The following EXT1 variants were observed in gnomAD, a reference collection of about 807,000 sequenced individuals.
The protein encoded by EXT1 is exostosin-1.
A neutral mutation model predicts 82.5 loss-of-function variants in EXT1; 20 were observed. The ratio of observed to expected loss-of-function variants is 0.24; its 90% confidence interval spans 0.17 to 0.35. EXT1 has a LOEUF of 0.35. Ranked by LOEUF, EXT1 falls within the 10% of genes least tolerant of loss-of-function variation. EXT1 has a pLI of 1.00. For missense variants in EXT1, 757 were observed against 936.5 expected, an observed-to-expected ratio of 0.81 and a Z score of 2.50; for synonymous variants, 348 against 350.8, an observed-to-expected ratio of 0.99 and a Z score of 0.09.
chr8:118,075,227 C>T (rs1234357696), intron 1 of EXT1, among the ~76,000 whole-genome samples: 1 of 152,208 alleles, frequency 6.6e-6, no homozygotes, highest in African/African-American at 2.4e-5. Flanking sequence ...CCAGGCTGTG[C>T]ACAGTGTTGG....
chr8:118,070,553 T>C (rs1377724878), intron 1 of EXT1, among the ~76,000 whole-genome samples: 4 of 152,204 alleles, frequency 2.6e-5, no homozygotes, highest in African/African-American at 9.7e-5. Flanking sequence ...AAATCGGAAC[T>C]GATCTATAAA....
At chr8:117,931,612 T>C (rs11562825) in intron 1 of EXT1, among the ~76,000 whole-genome samples, 3,481 of 152,196 alleles carry the variant, frequency 0.023, 134 homozygotes, top group African/African-American at 0.077. Flanking sequence ...TATCAGTCTT[T>C]CAGAGATCAA....
intron 1 of EXT1, among the ~76,000 whole-genome samples, chr8:117,980,737 G>C: frequency 8.4e-6 from 1 of 119,342 alleles, no homozygotes; most frequent in East Asian, 2.9e-4. Flanking sequence ...TTTTTCCAGT[G>C]TGAGTTCTTC....
At chr8:118,082,572 C>T (rs1817351580) in intron 1 of EXT1, among the ~76,000 whole-genome samples, 1 of 151,956 alleles carries the variant, frequency 6.6e-6, no homozygotes, top group Non-Finnish European at 1.5e-5. Context: ...TTGAGTAATC[C>T]AAAACAAGGA....
chr8:117,816,047 C>A (rs1255118168), intron 7 of EXT1, among the ~76,000 whole-genome samples: 4 of 151,496 alleles, frequency 2.6e-5, no homozygotes, highest in Non-Finnish European at 5.9e-5. Flanking sequence ...AAGAAATGTA[C>A]ACAAATAATT....
At chr8:118,078,813 GA>G (rs1351066622) in intron 1 of EXT1, among the ~76,000 whole-genome samples, 4 of 150,806 alleles carry the variant, frequency 2.7e-5, no homozygotes, top group African/African-American at 7.3e-5. Flanking sequence ...CATATGCAAA[GA>G]AAAAAAAAGT....
intron 1 of EXT1, among the ~76,000 whole-genome samples, chr8:117,908,708 G>A (rs929417671): frequency 3.3e-5 from 5 of 152,074 alleles, no homozygotes; most frequent in African/African-American, 7.2e-5. Flanking sequence ...GGAACTAGCT[G>A]GGTAAAGAAT....
In EXT1 at chr8:117,836,724, G is replaced by A. The variant is rs565212128; in HGVS notation, c.1056+384C>T. On this transcript the variant is annotated intron_variant, in intron 2 of 10. Coordinates refer to ENST00000378204, the MANE Select transcript of EXT1 (RefSeq NM_000127.3). ...TGGGGATCATTCTCAAAATTGAAAGGAACTGAGAGACAATGAAGATGCAGG... is the reference window on the plus strand; with the variant it reads ...TGGGGATCATTCTCAAAATTGAAAGAAACTGAGAGACAATGAAGATGCAGG... Among the ~76,000 whole-genome samples, 8 of 152,232 alleles carry A rather than the reference G, an allele frequency of 5.3e-5. No homozygotes were observed. The East Asian group carries it at 7.7e-4, about 15-fold the overall frequency.
At chr8:117,853,588 G>T (rs1812491511) in intron 1 of EXT1, among the ~76,000 whole-genome samples, 1 of 152,164 alleles carries the variant, frequency 6.6e-6, no homozygotes, top group African/African-American at 2.4e-5. Flanking sequence ...AGATAGTAAA[G>T]CTGCATCAGA....
intron 1 of EXT1, among the ~76,000 whole-genome samples, chr8:117,980,541 C>T (rs1158820745): frequency 1.3e-5 from 2 of 152,170 alleles, no homozygotes; most frequent in East Asian, 1.9e-4. Context: ...TGTTTTTCAA[C>T]GTTGGGCTCT....
intron 1 of EXT1, among the ~76,000 whole-genome samples, chr8:118,048,872 T>G (rs1474968776): frequency 6.6e-6 from 1 of 152,190 alleles, no homozygotes; most frequent in Admixed American, 6.5e-5. Flanking sequence ...ATCCAAGGAA[T>G]GAATATTATC....
At chr8:118,073,360 C>A (rs1014834819) in intron 1 of EXT1, among the ~76,000 whole-genome samples, 1 of 152,198 alleles carries the variant, frequency 6.6e-6, no homozygotes, top group African/African-American at 2.4e-5. Flanking sequence ...GTGGCTCACC[C>A]CTGTAATCCC....
At chr8:118,011,710 C>T (rs903071818) in intron 1 of EXT1, among the ~76,000 whole-genome samples, 2 of 152,230 alleles carry the variant, frequency 1.3e-5, no homozygotes, top group East Asian at 1.9e-4. Context: ...CCACCCTGAT[C>T]GCTCTCTGGC....
chr8:118,053,022 C>T (rs776672163), intron 1 of EXT1, among the ~76,000 whole-genome samples: 4 of 152,236 alleles, frequency 2.6e-5, no homozygotes, highest in Non-Finnish European at 4.4e-5. Flanking sequence ...ATTCATCACT[C>T]TGCCAGTCTC....
At chr8:118,096,676 G>GAA in intron 1 of EXT1, among the ~76,000 whole-genome samples, 1 of 86,504 alleles carries the variant, frequency 1.2e-5, no homozygotes, top group East Asian at 3.2e-4. Context: ...GGAAGGAAGG[G>GAA]AGGGAGGGAG....
chr8:117,869,542 A>G (rs1215893093), intron 1 of EXT1, among the ~76,000 whole-genome samples: 2 of 152,234 alleles, frequency 1.3e-5, no homozygotes, highest in African/African-American at 4.8e-5. Context: ...AAACACACTT[A>G]GTAAATTTCC....
At chr8:117,806,680 C>G (rs1823243593) in intron 9 of EXT1, among the ~76,000 whole-genome samples, 1 of 152,148 alleles carries the variant, frequency 6.6e-6, no homozygotes, top group Admixed American at 6.5e-5. Flanking sequence ...TCAAATCTCA[C>G]CTGTGCAATC....
intron 1 of EXT1, among the ~76,000 whole-genome samples, chr8:117,863,732 C>T (rs1812725886): frequency 6.6e-6 from 1 of 152,158 alleles, no homozygotes; most frequent in African/African-American, 2.4e-5. Flanking sequence ...GATGGCTCCA[C>T]ATCCTGCTCC....
At chr8:118,086,266 A>G (rs920735712) in intron 1 of EXT1, among the ~76,000 whole-genome samples, 1 of 152,226 alleles carries the variant, frequency 6.6e-6, no homozygotes, top group East Asian at 1.9e-4. Context: ...ATTTCTTGAC[A>G]TCACCAGTAT....
Sources: allele counts gnomAD v4.1 joint callset (sites outside exome capture counted in the v4.1 genomes callset), GRCh38; gene constraint gnomAD v4.1.1; transcripts MANE v1.5; gene names NCBI Gene and HGNC (gene_info 2026-07-23, HGNC 2026-07-21).